DMD: variants seen among roughly 807,000 people sequenced by gnomAD.
DMD encodes the protein mutant dystrophin.
DMD carries 63 observed loss-of-function variants against 330.1 expected under a neutral mutation model. The observed-to-expected ratio is 0.19, with a 90% CI of 0.16 to 0.24. The LOEUF is 0.24. Ranked by LOEUF, DMD falls within the 10% of genes least tolerant of loss-of-function variation. DMD has a pLI of 1.00. For missense variants in DMD, 3,344 were observed against 2,684.1 expected, an observed-to-expected ratio of 1.25 and a Z score of -5.43; for synonymous variants, 1,223 against 959.8, an observed-to-expected ratio of 1.27 and a Z score of -5.07.
chrX:32,317,837 G>GA (rs2097588896), intron 41 of DMD, among the ~76,000 whole-genome samples: 1 of 64,485 alleles, frequency 1.6e-5, no homozygotes, highest in Admixed American at 2.2e-4. Flanking sequence ...TAGTGATGGA[G>GA]CCTTTTTTTT....
intron 34 of DMD, among the ~76,000 whole-genome samples, chrX:32,369,536 C>A (rs896936633): frequency 9.0e-6 from 1 of 111,048 alleles, no homozygotes; most frequent in East Asian, 2.8e-4. Flanking sequence ...AATGGTAGAA[C>A]GGTAAAAATT....
At chrX:31,290,638 A>G (rs1052493196) in intron 62 of DMD, among the ~76,000 whole-genome samples, 7 of 111,971 alleles carry the variant, frequency 6.3e-5, no homozygotes, top group African/African-American at 9.7e-5. Flanking sequence ...AAGTGTGTTC[A>G]TATGAATAAT....
At chrX:31,575,133 T>C (rs751934944) in intron 55 of DMD, among the ~76,000 whole-genome samples, 17 of 111,972 alleles carry the variant, frequency 1.5e-4, no homozygotes, top group South Asian at 7.5e-4. Context: ...ATCTTCTTGA[T>C]GATAATGAGG....
intron 7 of DMD, among the ~76,000 whole-genome samples, 190 bp from the exon 8 acceptor site, chrX:32,699,483 T>A (rs1569469582): frequency 8.9e-6 from 1 of 112,060 alleles, no homozygotes; most frequent in Non-Finnish European, 1.9e-5. Context: ...GGCAGACCAA[T>A]GAGATGAGCA....
chrX:32,618,722 T>A (rs761974044), intron 11 of DMD, among the ~76,000 whole-genome samples: 97 of 111,389 alleles, frequency 8.7e-4, no homozygotes, highest in Non-Finnish European at 1.8e-3. Context: ...GATTATCACC[T>A]CACTTTTGTT....
intron 44 of DMD, among the ~76,000 whole-genome samples, chrX:31,997,433 T>TG: frequency 9.2e-6 from 1 of 108,245 alleles, no homozygotes; most frequent in Admixed American, 9.9e-5. Context: ...TTTTTGTTTT[T>TG]TGTTTTTTTA....
chrX:32,176,570 A>G (rs1478046832), intron 44 of DMD, among the ~76,000 whole-genome samples: 1 of 111,823 alleles, frequency 8.9e-6, no homozygotes, highest in African/African-American at 3.3e-5. Context: ...AAATGTATTC[A>G]TATCAGTAAA....
intron 44 of DMD, among the ~76,000 whole-genome samples, chrX:32,097,411 C>A (rs1182450096): frequency 9.0e-6 from 1 of 111,164 alleles, no homozygotes; most frequent in Admixed American, 9.6e-5. Flanking sequence ...TTATCCATGT[C>A]CCTTCAAAGG....
At chrX:32,001,736 C>T (rs778836544) in intron 44 of DMD, among the ~76,000 whole-genome samples, 1 of 111,567 alleles carries the variant, frequency 9.0e-6, no homozygotes, top group South Asian at 3.7e-4. Flanking sequence ...AGTATAAATT[C>T]ATGGCTATAC....
chrX:31,916,140 T>C (rs972528911), intron 47 of DMD, among the ~76,000 whole-genome samples: 9 of 111,506 alleles, frequency 8.1e-5, no homozygotes, highest in Non-Finnish European at 9.4e-5. Context: ...GGAGCAGAGG[T>C]GAATCATCCT....
intron 33 of DMD, among the ~76,000 whole-genome samples, chrX:32,381,709 A>G (rs1460541047): frequency 9.0e-6 from 1 of 111,617 alleles, no homozygotes; most frequent in Non-Finnish European, 1.9e-5. Flanking sequence ...GTTAGAAAAT[A>G]TAACTGGTAG....
chrX:31,985,512 A>G (rs1007100272), intron 44 of DMD, among the ~76,000 whole-genome samples: 5 of 112,689 alleles, frequency 4.4e-5, no homozygotes, highest in African/African-American at 1.6e-4. Flanking sequence ...ACGCTTAAAC[A>G]TCGACATTTA....
At chrX:32,695,146 T>C (rs1158165100) in intron 9 of DMD, among the ~76,000 whole-genome samples, 1 of 112,398 alleles carries the variant, frequency 8.9e-6, no homozygotes, top group African/African-American at 3.2e-5. Context: ...TACTGCTCTA[T>C]GTGTGCGTAA....
At chrX:33,001,713 A>G (rs1180520228) in intron 2 of DMD, among the ~76,000 whole-genome samples, 3 of 92,548 alleles carry the variant, frequency 3.2e-5, no homozygotes, top group Non-Finnish European at 4.6e-5. Context: ...ACAAAACCAA[A>G]GCATTCAAAT....
chrX:32,422,860 A>G (rs10521999), intron 29 of DMD, among the ~76,000 whole-genome samples: 17,258 of 110,573 alleles, frequency 0.16, 1,089 homozygotes, highest in African/African-American at 0.21. Flanking sequence ...GAATCTATGA[A>G]GTAGCTTGCA....
chrX:32,611,396 C>A (rs114256600), intron 12 of DMD, among the ~76,000 whole-genome samples: 6,901 of 110,774 alleles, frequency 0.062, 190 homozygotes, highest in African/African-American at 0.081. Flanking sequence ...CTTGCATATA[C>A]TCCTGTTGCC....
At chrX:32,253,771 G>A (rs1226953526) in intron 43 of DMD, among the ~76,000 whole-genome samples, 1 of 107,946 alleles carries the variant, frequency 9.3e-6, no homozygotes, top group Admixed American at 1.0e-4. Flanking sequence ...CTATAGGCGT[G>A]CACCACCAAG....
At chrX:32,773,192 G>C (rs765242848) in intron 7 of DMD, among the ~76,000 whole-genome samples, 1 of 111,925 alleles carries the variant, frequency 8.9e-6, no homozygotes, top group East Asian at 2.8e-4. Flanking sequence ...ACTAAAAGTA[G>C]AGCTGACTGA....
chrX:33,292,729 A>C (rs1027129233), intron 1 of DMD, among the ~76,000 whole-genome samples: 5 of 111,160 alleles, frequency 4.5e-5, no homozygotes, highest in African/African-American at 1.6e-4. Flanking sequence ...TTGGAGGAAA[A>C]ACAGATGCCA....
Sources: gnomAD v4.1 joint callset for allele counts (sites outside exome capture counted in the v4.1 genomes callset) on GRCh38, gnomAD v4.1.1 for gene constraint, MANE v1.5 for transcripts, NCBI Gene and HGNC (gene_info 2026-07-23, HGNC 2026-07-21) for gene names.